CSMD3: variants seen among roughly 807,000 people sequenced by gnomAD.
CSMD3 encodes CUB and Sushi multiple domains 3.
A neutral mutation model predicts 435.2 loss-of-function variants in CSMD3; 177 were observed. The ratio of observed to expected loss-of-function variants is 0.41; its 90% CI spans 0.36 to 0.46. CSMD3 has a LOEUF of 0.46. CSMD3 is among the 20% of genes least tolerant of loss of function. The pLI is 0.34. For missense variants in CSMD3, 4,265 were observed against 4,504.6 expected (o/e 0.95, Z 1.52); for synonymous variants, 1,656 against 1,520.5 (o/e 1.09, Z -2.07).
chr8:112,724,860 A>C (rs1337461472), intron 13 of CSMD3, among the ~76,000 whole-genome samples: 1 of 152,102 alleles, frequency 6.6e-6, no homozygotes, highest in Non-Finnish European at 1.5e-5. Context: ...CTCGAATAAA[A>C]GTAATGAGGA....
intron 32 of CSMD3, among the ~76,000 whole-genome samples, chr8:112,437,888 C>A (rs1814552038): frequency 6.6e-6 from 1 of 152,042 alleles, no homozygotes; most frequent in South Asian, 2.1e-4. Flanking sequence ...TCAGCGATGT[C>A]TCTCTCCTTT....
chr8:112,942,219 A>C (rs1257845200), intron 9 of CSMD3, among the ~76,000 whole-genome samples: 1 of 124,292 alleles, frequency 8.0e-6, no homozygotes, highest in African/African-American at 3.2e-5. Flanking sequence ...AATTGTTGGT[A>C]AACCCATGTT....
chr8:113,008,299 A>G (rs528082456), intron 6 of CSMD3, among the ~76,000 whole-genome samples: 1 of 151,792 alleles, frequency 6.6e-6, no homozygotes, highest in Non-Finnish European at 1.5e-5. Context: ...AGAGTGAACA[A>G]TAACAAAAGC....
At chr8:112,254,597 A>G (rs1366452359) in intron 62 of CSMD3, among the ~76,000 whole-genome samples, 2 of 152,226 alleles carry the variant, frequency 1.3e-5, no homozygotes, top group Admixed American at 1.3e-4. Context: ...AGCTCTGTGG[A>G]TGTAAAATTA....
In CSMD3 at chr8:112,277,521, C is replaced by T. The variant is rs542229394; in HGVS notation, c.9508+3653G>A. The stretch of plus-strand genomic sequence containing the variant: ...ACTTTCCCACATTTTTCTGTCTTCT[C>T]CTGAGCCCTCCAAACTGTTCCAACC... On this transcript the variant is annotated intron_variant, in intron 59 of 70. Transcript: ENST00000297405. 3.3e-5 allele frequency among the ~76,000 whole-genome samples: 5 copies of T among 152,258 alleles called. 1 individual carries two copies. The highest frequency in any genetic ancestry group is 1.2e-4 in the African/African-American group (5 of 41,550).
rs9969521 is a variant in CSMD3 at position 112,978,814 on chromosome 8, T to C, written c.1031-2666A>G. Among the ~76,000 whole-genome samples the C allele has an allele frequency of 8.0e-3, 1,215 of 152,024 alleles. 18 individuals are homozygous for C. Among genetic ancestry groups the C allele is most frequent in the African/African-American group, 0.027 (1,137 of 41,512 alleles). On this transcript the variant is annotated intron_variant, in intron 6 of 70. Transcript: ENST00000297405. ...GAAGGCTAAAATTTTTGTATATTGATTTCACTGCTGAATCCCTAGCTCCTA... is the reference window on the plus strand; with the variant it reads ...GAAGGCTAAAATTTTTGTATATTGACTTCACTGCTGAATCCCTAGCTCCTA...
intron 5 of CSMD3, among the ~76,000 whole-genome samples, chr8:113,026,028 A>G (rs764467384): frequency 2.6e-5 from 4 of 152,176 alleles, no homozygotes; most frequent in Non-Finnish European, 5.9e-5. Flanking sequence ...GTGATGTGCT[A>G]TAGCACCCTG....
intron 14 of CSMD3, 21 bp from the exon 15 acceptor site, chr8:112,685,753 T>A (rs928252380): frequency 7.1e-7 from 1 of 1,401,878 alleles, no homozygotes; most frequent in South Asian, 1.2e-5. Flanking sequence ...AGGAAGATTA[T>A]GAAATACAAT....
chr8:112,304,015 T>C (rs1190566634), intron 52 of CSMD3, among the ~76,000 whole-genome samples: 1 of 152,162 alleles, frequency 6.6e-6, no homozygotes, highest in African/African-American at 2.4e-5. Context: ...ATATTTCACC[T>C]GAATATCCTA....
At chr8:112,484,420 T>A (rs1047510467) in intron 31 of CSMD3, among the ~76,000 whole-genome samples, 1 of 152,076 alleles carries the variant, frequency 6.6e-6, no homozygotes, top group Non-Finnish European at 1.5e-5. Context: ...TTGCCATGAC[T>A]ACTAACAGTT....
At chr8:112,726,640 G>C (rs4876292) in intron 13 of CSMD3, among the ~76,000 whole-genome samples, 48,687 of 151,456 alleles carry the variant, frequency 0.32, 8,459 homozygotes, top group African/African-American at 0.46. Context: ...CTGTCTTTTG[G>C]AAGAAGAGAC....
chr8:112,831,041 C>T (rs1231693974), intron 11 of CSMD3, among the ~76,000 whole-genome samples: 1 of 152,044 alleles, frequency 6.6e-6, no homozygotes, highest in Non-Finnish European at 1.5e-5. Flanking sequence ...CCCACCTCGG[C>T]CTCCCAAAAT....
intron 19 of CSMD3, among the ~76,000 whole-genome samples, chr8:112,648,095 C>A (rs1343116994): frequency 6.6e-6 from 1 of 152,098 alleles, no homozygotes; most frequent in Non-Finnish European, 1.5e-5. Flanking sequence ...CATTAGGCAA[C>A]CTAGGTCAAT....
chr8:112,610,909 T>C (rs763321995), intron 22 of CSMD3, among the ~76,000 whole-genome samples: 2 of 152,168 alleles, frequency 1.3e-5, no homozygotes, highest in Non-Finnish European at 2.9e-5. Flanking sequence ...GAAAGAAGCT[T>C]CATGCTTTCT....
At chr8:113,100,593 C>T (rs972717309) in intron 4 of CSMD3, among the ~76,000 whole-genome samples, 3 of 151,972 alleles carry the variant, frequency 2.0e-5, no homozygotes, top group Non-Finnish European at 4.4e-5. Context: ...CTGGATCACA[C>T]TCAGATTAAA....
At chr8:112,981,767 A>T (rs994623330) in intron 6 of CSMD3, among the ~76,000 whole-genome samples, 1 of 151,726 alleles carries the variant, frequency 6.6e-6, no homozygotes, top group African/African-American at 2.4e-5. Context: ...AATTGCTAGA[A>T]ATTTTAATAA....
At chr8:112,940,273 C>A (rs973922590) in intron 9 of CSMD3, among the ~76,000 whole-genome samples, 3 of 151,624 alleles carry the variant, frequency 2.0e-5, no homozygotes, top group Non-Finnish European at 4.4e-5. Context: ...GATACAAATC[C>A]AAAATTTGGA....
At chr8:113,344,094 G>A (rs1171180093) in intron 1 of CSMD3, among the ~76,000 whole-genome samples, 1 of 151,870 alleles carries the variant, frequency 6.6e-6, no homozygotes, top group Admixed American at 6.6e-5. Context: ...TATTAATCTA[G>A]GAGTGTGAAG....
intron 13 of CSMD3, among the ~76,000 whole-genome samples, chr8:112,711,044 A>T (rs1057141376): frequency 6.6e-6 from 1 of 151,994 alleles, no homozygotes; most frequent in African/African-American, 2.4e-5. Context: ...GATTCACAGA[A>T]AGAAAGAGCA....
Sources: gnomAD v4.1 joint callset for allele counts (sites outside exome capture counted in the v4.1 genomes callset) on GRCh38, gnomAD v4.1.1 for gene constraint, MANE v1.5 for transcripts, NCBI Gene and HGNC (gene_info 2026-07-23, HGNC 2026-07-21) for gene names.